The following ELMOD2 variants were observed in gnomAD, a reference collection of about 807,000 sequenced individuals.
ELMOD2 encodes ELMO domain-containing protein 2.
Under a neutral mutation model 41.0 loss-of-function variants are expected in ELMOD2, and 28 were observed. The observed-to-expected ratio is 0.68, with a 90% CI of 0.51 to 0.94. The LOEUF is 0.94. Ranked by LOEUF, ELMOD2 falls within the 40% of genes least tolerant of loss-of-function variation. The pLI, the probability that ELMOD2 is intolerant of heterozygous loss-of-function variation, is 0.00. For synonymous variants in ELMOD2, 106 were observed against 107.2 expected (o/e 0.99, Z 0.07); for missense variants, 333 against 343.1 (o/e 0.97, Z 0.23).
At chr4:140,538,872 C>T (rs1735016387) in intron 5 of ELMOD2, among the ~76,000 whole-genome samples, 1 of 152,202 alleles carries the variant, frequency 6.6e-6, no homozygotes. Flanking sequence ...AGGAATGGAA[C>T]CCAGAAATTC....
intron 8 of ELMOD2, 23 bp downstream of exon 8, chr4:140,543,609 A>T: frequency 6.5e-7 from 1 of 1,543,566 alleles, no homozygotes; most frequent in Non-Finnish European, 8.7e-7. Context: ...ATGAGTTAAA[A>T]CTAGATCTTT....
intron 4 of ELMOD2, 91 bp from the exon 5 acceptor site, chr4:140,537,321 G>A (rs1734961517): frequency 8.6e-7 from 1 of 1,166,738 alleles, no homozygotes; most frequent in Admixed American, 3.9e-5. Flanking sequence ...GCCAGGAAAT[G>A]CTTTCTAAAT....
intron 3 of ELMOD2, among the ~76,000 whole-genome samples, chr4:140,528,551 G>A (rs147537275): frequency 1.3e-5 from 2 of 152,224 alleles, no homozygotes; most frequent in Non-Finnish European, 2.9e-5. Flanking sequence ...GTACATCTGT[G>A]TGTATTTTGG....
chr4:140,529,610 C>T (rs1734677428), intron 3 of ELMOD2, among the ~76,000 whole-genome samples: 1 of 152,218 alleles, frequency 6.6e-6, no homozygotes, highest in African/African-American at 2.4e-5. Context: ...TTGCCTTGCT[C>T]ACTGGTCATC....
At chr4:140,528,485 G>A (rs948160880) in intron 3 of ELMOD2, among the ~76,000 whole-genome samples, 1 of 152,108 alleles carries the variant, frequency 6.6e-6, no homozygotes. Flanking sequence ...TCATAATATG[G>A]TTAAATATAT....
At chr4:140,528,225 C>G (rs948107467) in intron 3 of ELMOD2, among the ~76,000 whole-genome samples, 1 of 152,122 alleles carries the variant, frequency 6.6e-6, no homozygotes, top group Admixed American at 6.5e-5. Context: ...ATATGCCCAC[C>G]GTAAGGCTAT....
intron 5 of ELMOD2, among the ~76,000 whole-genome samples, chr4:140,539,480 G>A (rs1578767756): frequency 6.6e-6 from 1 of 151,752 alleles, no homozygotes; most frequent in East Asian, 1.9e-4. Flanking sequence ...TCCTGTCTCA[G>A]CCTCCTGAGT....
chr4:140,528,362 G>A (rs1457859645), intron 3 of ELMOD2, among the ~76,000 whole-genome samples: 1 of 152,134 alleles, frequency 6.6e-6, no homozygotes, highest in Non-Finnish European at 1.5e-5. Flanking sequence ...ATTATTTGGT[G>A]TGGCAAGGAT....
At position 140,553,072 on chromosome 4, in the gene ELMOD2, C is replaced by G. The variant is rs1735508138; in HGVS notation, c.*2697C>G. The G allele has an allele frequency of 6.6e-6, 1 of 152,050 alleles. No homozygotes were observed. The highest frequency in any genetic ancestry group is 1.5e-5 in the Non-Finnish European group (1 of 67,948). The allele number at this position is 152,050 out of a possible 1,614,324, so 9.4% of individuals were successfully genotyped here. A position where few individuals can be genotyped will look rare whatever the true frequency, so the allele number is the denominator to read the frequency against. ...CTACTTGGATTTGTATGTATTTTTT[C>G]TACGTGAAAATATATGTACTCTTCA... On this transcript the variant is annotated 3_prime_UTR_variant, in exon 9 of 9. Transcript: ENST00000323570.
intron 8 of ELMOD2, among the ~76,000 whole-genome samples, chr4:140,546,260 A>G (rs1395603942): frequency 1.3e-5 from 2 of 151,970 alleles, no homozygotes; most frequent in Non-Finnish European, 2.9e-5. Context: ...ATTGCATGTT[A>G]TCACTCATAG....
intron 2 of ELMOD2, among the ~76,000 whole-genome samples, chr4:140,526,395 A>G (rs1334882423): frequency 6.6e-6 from 1 of 152,210 alleles, no homozygotes; most frequent in Non-Finnish European, 1.5e-5. Flanking sequence ...ATTTTACTCT[A>G]AAATTTGAAC....
Position 140,551,002 on chromosome 4 carries a change from C to CT in ELMOD2, c.*633dup, listed in dbSNP as rs1012977574. Reference sequence around the variant, plus strand: ...AGAGAATGACAGTATTGGTGACTAGCTTTTTTGTTTTTAAATAACACACTT... The same window carrying CT: ...AGAGAATGACAGTATTGGTGACTAGCTTTTTTTGTTTTTAAATAACACACTT... On this transcript the variant is annotated 3_prime_UTR_variant, in exon 9 of 9. Transcript: ENST00000323570. 3 of 152,148 alleles carry CT rather than the reference C, an allele frequency of 2.0e-5. No individual in the cohort carries two copies. Among genetic ancestry groups the CT allele is most frequent in the South Asian group, 4.1e-4 (2 of 4,826 alleles). 9.4% of individuals were successfully genotyped at this position (152,148 alleles called of 1,614,324 possible). A position where few individuals can be genotyped will look rare whatever the true frequency, so the allele number is the denominator to read the frequency against.
rs1221065144 is a variant in ELMOD2 at position 140,551,786 on chromosome 4, A to C, written c.*1411A>C. The C allele has an allele frequency of 2.6e-5, 4 of 152,106 alleles. No individual in the cohort carries two copies. The highest frequency in any genetic ancestry group is 5.9e-5 in the Non-Finnish European group (4 of 67,954). 9.4% of individuals were successfully genotyped at this position (152,106 alleles called of 1,614,324 possible). A position where few individuals can be genotyped will look rare whatever the true frequency, so the allele number is the denominator to read the frequency against. On this transcript the variant is annotated 3_prime_UTR_variant, in exon 9 of 9. Transcript: ENST00000323570. ...TATAAGTATTTGCTCGTGTCTGTTGACAGACCTCTTTCTTTCAAACTTGTT... is the reference window on the plus strand; with the variant it reads ...TATAAGTATTTGCTCGTGTCTGTTGCCAGACCTCTTTCTTTCAAACTTGTT...
chr4:140,545,814 A>G (rs1735256979), intron 8 of ELMOD2, among the ~76,000 whole-genome samples: 1 of 152,132 alleles, frequency 6.6e-6, no homozygotes, highest in African/African-American at 2.4e-5. Flanking sequence ...TAGAATGGCG[A>G]TCATTAAAAA....
At position 140,540,272 on chromosome 4, in the gene ELMOD2, C is replaced by T; in HGVS notation, c.504C>T (p.Gly168=). ...ATGATCCCAAGACAGACTTCAGAGG[C>T]ATGGGCATACTTGGGTTAATCAATC... ...QGDDPKTDFR[G]MGILGLINLV... The change falls in exon 6 of 9, where the codon GGC becomes GGT. Residue 168 remains glycine, a synonymous_variant. Coordinates refer to ENST00000323570, the MANE Select transcript of ELMOD2 (RefSeq NM_153702.4). 6.2e-7 allele frequency: 1 copy of T among 1,613,996 alleles called. No individual in the cohort carries two copies. The highest frequency in any genetic ancestry group is 8.5e-7 in the Non-Finnish European group (1 of 1,179,962).
intron 3 of ELMOD2, among the ~76,000 whole-genome samples, chr4:140,529,365 T>A (rs1207688576): frequency 6.6e-6 from 1 of 152,212 alleles, no homozygotes; most frequent in Admixed American, 6.5e-5. Flanking sequence ...TAGAATGAAT[T>A]GTTCTGTGAA....
rs1027743526 is a variant in ELMOD2, at chr4:140,551,977, G to A, written c.*1602G>A. ...GCAATTTAGCTTTTCAGTATTACAG[G>A]AATTTAAAAATTGGTTTCTTGTAGG... On this transcript the variant is annotated 3_prime_UTR_variant, in exon 9 of 9. Transcript: ENST00000323570. The A allele has an allele frequency of 1.8e-4, 28 of 152,090 alleles. No homozygotes were observed. Among genetic ancestry groups the A allele is most frequent in the Admixed American group, 1.2e-3 (19 of 15,272 alleles). 9.4% of individuals were successfully genotyped at this position (152,090 alleles called of 1,614,324 possible).
At chr4:140,544,457 A>C (rs776873960) in intron 8 of ELMOD2, among the ~76,000 whole-genome samples, 1 of 152,172 alleles carries the variant, frequency 6.6e-6, no homozygotes, top group Admixed American at 6.6e-5. Context: ...CTAGGTTACT[A>C]TAATGGCCTT....
At chr4:140,532,260 G>A (rs1003302170) in intron 3 of ELMOD2, among the ~76,000 whole-genome samples, 1 of 151,852 alleles carries the variant, frequency 6.6e-6, no homozygotes, top group Non-Finnish European at 1.5e-5. Flanking sequence ...CACCTCCCGG[G>A]TTCAAGCAGT....
Sources: allele counts gnomAD v4.1 joint callset (sites outside exome capture counted in the v4.1 genomes callset), GRCh38; gene constraint gnomAD v4.1.1; transcripts MANE v1.5; gene names NCBI Gene and HGNC (gene_info 2026-07-23, HGNC 2026-07-21).